DRAM1: variants seen among roughly 807,000 people sequenced by gnomAD.
DRAM1 encodes the protein DNA damage regulated autophagy modulator 1.
DRAM1 carries 25 observed loss-of-function variants against 28.5 expected under a neutral mutation model. The observed-to-expected ratio is 0.88, with a 90% CI of 0.64 to 1.23. The LOEUF (loss-of-function observed/expected upper bound fraction) is 1.23. DRAM1 is among the 50% of genes most tolerant of loss of function. The pLI, the probability that DRAM1 is intolerant of heterozygous loss-of-function variation, is 0.00. For synonymous variants in DRAM1, 113 were observed against 114.2 expected, an observed-to-expected ratio of 0.99 and a Z score of 0.07; for missense variants, 249 against 299.2, an observed-to-expected ratio of 0.83 and a Z score of 1.24.
chr12:101,911,000 C>T (rs574924125), intron 4 of DRAM1, among the ~76,000 whole-genome samples: 105 of 152,170 alleles, frequency 6.9e-4, no homozygotes, highest in Admixed American at 1.9e-3. Flanking sequence ...CGTTGGGAGG[C>T]CGAGGCAGGT....
Position 101,901,385 on chromosome 12 carries a change from G to A in DRAM1, c.294G>A (p.Val98=). ...CTGTTTTTAACTTGGTGTCTTTAGT[G>A]CTTGGATTGGTGGGATGTTTCGGAA... The part of the protein sequence containing the change: ...STPVFNLVSL[V]LGLVGCFGMG... The change falls in exon 3 of 7, where the codon GTG becomes GTA. Residue 98 remains valine, a synonymous_variant. Coordinates refer to ENST00000258534, the MANE Select transcript of DRAM1 (RefSeq NM_018370.3). 6.2e-7 allele frequency: 1 copy of A among 1,614,100 alleles called. No homozygotes were observed. Among genetic ancestry groups the A allele is most frequent in the Non-Finnish European group, 8.5e-7 (1 of 1,180,026 alleles).
chr12:101,910,586 T>G (rs1874004068), intron 4 of DRAM1, among the ~76,000 whole-genome samples: 2 of 151,734 alleles, frequency 1.3e-5, no homozygotes, highest in African/African-American at 4.8e-5. Context: ...CAAGCAATTC[T>G]CCTGCCTCAG....
intron 1 of DRAM1, among the ~76,000 whole-genome samples, chr12:101,879,770 C>A (rs1026814204): frequency 1.3e-5 from 2 of 151,994 alleles, no homozygotes; most frequent in Admixed American, 1.3e-4. Context: ...CCGAGGCTGG[C>A]GGATCATGAG....
chr12:101,920,042 G>A (rs1239972050), intron 5 of DRAM1, 67 bp from the exon 6 acceptor site: 3 of 1,137,672 alleles, frequency 2.6e-6, no homozygotes, highest in East Asian at 5.2e-5. Context: ...ACTCCTCATT[G>A]TATTTCAGTA....
Position 101,895,186 on chromosome 12 carries a change from G to GTTTGTTTTTTT in DRAM1, c.132-2674_132-2673insGTTTTTTTTTT, listed in dbSNP as rs1372490429. Among the ~76,000 whole-genome samples the GTTTGTTTTTTT allele has an allele frequency of 1.5e-4, 11 of 75,732 alleles. 1 individual carries two copies. Among genetic ancestry groups the GTTTGTTTTTTT allele is most frequent in the African/African-American group, 6.1e-4 (11 of 18,078 alleles). 49.7% of individuals were successfully genotyped at this position (75,732 alleles called of 152,430 possible). A position where few individuals can be genotyped will look rare whatever the true frequency, so the allele number is the denominator to read the frequency against. ...TAATGCTAAATTCGAAACCCTTCAG[G>GTTTGTTTTTTT]TTTTTTTTTTTTTTTTTTTTTTTTT... On this transcript the variant is annotated intron_variant, in intron 1 of 6. Coordinates refer to ENST00000258534, the MANE Select transcript of DRAM1 (RefSeq NM_018370.3).
At chr12:101,887,321 C>T (rs1331215778) in intron 1 of DRAM1, among the ~76,000 whole-genome samples, 1 of 152,024 alleles carries the variant, frequency 6.6e-6, no homozygotes, top group Non-Finnish European at 1.5e-5. Context: ...GTTTTTAAGA[C>T]TTCCCTCCAC....
At chr12:101,913,532 AC>A (rs1874117817) in intron 4 of DRAM1, among the ~76,000 whole-genome samples, 1 of 151,640 alleles carries the variant, frequency 6.6e-6, no homozygotes, top group South Asian at 2.1e-4. Flanking sequence ...ATGGAGAAAC[AC>A]CGTCTCTACT....
intron 1 of DRAM1, among the ~76,000 whole-genome samples, chr12:101,896,245 T>G (rs1208317527): frequency 6.6e-6 from 1 of 152,214 alleles, no homozygotes; most frequent in South Asian, 2.1e-4. Context: ...CTTAAAAAAT[T>G]CCTGTTTTCT....
intron 3 of DRAM1, among the ~76,000 whole-genome samples, chr12:101,907,123 C>G (rs1332257201): frequency 7.1e-6 from 1 of 141,438 alleles, no homozygotes; most frequent in Non-Finnish European, 1.5e-5. Context: ...TCTCTTGAGC[C>G]TGGGAATTCA....
chr12:101,906,947 A>G (rs1295234181), intron 3 of DRAM1, among the ~76,000 whole-genome samples: 3 of 151,984 alleles, frequency 2.0e-5, no homozygotes, highest in Admixed American at 2.0e-4. Flanking sequence ...GTCTGCACCA[A>G]CTTTCTGCCT....
chr12:101,901,886 G>A (rs1032112603), intron 3 of DRAM1, among the ~76,000 whole-genome samples: 6 of 110,842 alleles, frequency 5.4e-5, no homozygotes, highest in Admixed American at 5.2e-4. Flanking sequence ...AAAAAAAAAA[G>A]CATTTGAAAG....
chr12:101,919,033 C>T (rs1303322768), intron 5 of DRAM1, among the ~76,000 whole-genome samples: 2 of 151,730 alleles, frequency 1.3e-5, no homozygotes, highest in Non-Finnish European at 2.9e-5. Context: ...GTGATCCTCC[C>T]AGTTCAGCCT....
chr12:101,913,978 A>C (rs1269871580), intron 4 of DRAM1, among the ~76,000 whole-genome samples, 196 bp from the exon 5 acceptor site: 1 of 152,142 alleles, frequency 6.6e-6, no homozygotes, highest in East Asian at 1.9e-4. Flanking sequence ...TTGAATTTGA[A>C]GTTTGAGTTT....
intron 1 of DRAM1, among the ~76,000 whole-genome samples, chr12:101,886,490 G>A (rs1400966739): frequency 1.3e-5 from 2 of 152,246 alleles, no homozygotes; most frequent in Non-Finnish European, 2.9e-5. Flanking sequence ...GGATAGGAAA[G>A]GATGTTTGGT....
At chr12:101,906,471 T>C (rs1873812649) in intron 3 of DRAM1, among the ~76,000 whole-genome samples, 1 of 152,224 alleles carries the variant, frequency 6.6e-6, no homozygotes. Flanking sequence ...ACTTGCCCTT[T>C]GCAAAGCTTG....
intron 5 of DRAM1, 34 bp downstream of exon 5, chr12:101,914,266 G>A (rs1874149668): frequency 1.3e-6 from 2 of 1,571,124 alleles, no homozygotes; most frequent in South Asian, 1.1e-5. Flanking sequence ...GTGGTTGTCG[G>A]ACGTGGTTAT....
intron 1 of DRAM1, among the ~76,000 whole-genome samples, chr12:101,878,834 A>G (rs2120990947): frequency 6.6e-6 from 1 of 152,190 alleles, no homozygotes; most frequent in African/African-American, 2.4e-5. Flanking sequence ...TATGATAGAA[A>G]ATGTAGGGCG....
intron 3 of DRAM1, among the ~76,000 whole-genome samples, chr12:101,903,926 TACAC>T (rs775764624): frequency 0.049 from 6,590 of 135,762 alleles, 371 homozygotes; most frequent in African/African-American, 0.16. Context: ...CACACACACA[TACAC>T]ACACACACAC....
At chr12:101,896,923 G>T (rs568206531) in intron 1 of DRAM1, among the ~76,000 whole-genome samples, 1 of 151,812 alleles carries the variant, frequency 6.6e-6, no homozygotes, top group Non-Finnish European at 1.5e-5. Flanking sequence ...GAGTAGCTGG[G>T]GTTACAGGCA....
Sources: gnomAD v4.1 joint callset for allele counts (sites outside exome capture counted in the v4.1 genomes callset) on GRCh38, gnomAD v4.1.1 for gene constraint, MANE v1.5 for transcripts, NCBI Gene and HGNC (gene_info 2026-07-23, HGNC 2026-07-21) for gene names.